The following FGF7 variants were observed in gnomAD, a reference collection of about 807,000 sequenced individuals.
FGF7 encodes fibroblast growth factor 7, also known as FGF-7.
Under a neutral mutation model 20.5 loss-of-function variants are expected in FGF7, and 6 were observed. The observed-to-expected ratio is 0.29, with a 90% CI of 0.16 to 0.58. The LOEUF (loss-of-function observed/expected upper bound fraction) is 0.58, where lower values mean the gene tolerates loss of function less well. FGF7 is among the 20% of genes least tolerant of loss of function. The pLI is 0.90. For missense variants in FGF7, 144 were observed against 228.8 expected, an observed-to-expected ratio of 0.63 and a Z score of 2.39; for synonymous variants, 64 against 74.7, an observed-to-expected ratio of 0.86 and a Z score of 0.74.
At position 49,424,268 on chromosome 15, in the gene FGF7, A is replaced by T. The variant is rs1217710531; in HGVS notation, c.-30A>T. 6.3e-7 allele frequency: 1 copy of T among 1,587,700 alleles called. No homozygotes were observed. The highest frequency in any genetic ancestry group is 8.6e-7 in the Non-Finnish European group (1 of 1,160,868). On this transcript the variant is annotated 5_prime_UTR_variant, in exon 2 of 4. Transcript: ENST00000267843. ...ACTCAAGATTCATTTTCATTATGTT[A>T]TTCATGAACACCCGGAGCACTACAC...
At chr15:49,464,486 T>C (rs1457419741) in intron 2 of FGF7, among the ~76,000 whole-genome samples, 1 of 152,160 alleles carries the variant, frequency 6.6e-6, no homozygotes, top group Non-Finnish European at 1.5e-5. Context: ...TCTAAATTCA[T>C]GAACTAAGCT....
At chr15:49,437,092 C>T (rs749137790) in intron 2 of FGF7, among the ~76,000 whole-genome samples, 7 of 151,496 alleles carry the variant, frequency 4.6e-5, no homozygotes, top group Non-Finnish European at 1.0e-4. Flanking sequence ...TTTATTAAAA[C>T]TATTTATACT....
chr15:49,444,228 C>T lies in FGF7; in HGVS notation c.286+19645C>T, dbSNP rs112228907. Among the ~76,000 whole-genome samples the T allele has an allele frequency of 4.8e-3, 727 of 151,714 alleles. 5 individuals are homozygous for T. The highest frequency in any genetic ancestry group is 0.017 in the African/African-American group (696 of 41,456). The stretch of plus-strand genomic sequence containing the variant: ...TCTCCCTCATAAGGATTTATGATTG[C>T]TCTCAAGACAATGAAAAAACGGAGA... On this transcript the variant is annotated intron_variant, in intron 2 of 3. Coordinates refer to ENST00000267843, the MANE Select transcript of FGF7 (RefSeq NM_002009.4).
intron 2 of FGF7, among the ~76,000 whole-genome samples, chr15:49,480,223 A>G (rs1257550271): frequency 1.3e-5 from 2 of 152,214 alleles, no homozygotes; most frequent in African/African-American, 2.4e-5. Context: ...AGTTAAACGT[A>G]GAATCTTTAC....
At chr15:49,427,767 C>T (rs1421416919) in intron 2 of FGF7, among the ~76,000 whole-genome samples, 1 of 151,808 alleles carries the variant, frequency 6.6e-6, no homozygotes, top group Non-Finnish European at 1.5e-5. Flanking sequence ...TTGGAGCTAG[C>T]AGGAGAAGTA....
intron 2 of FGF7, among the ~76,000 whole-genome samples, chr15:49,445,634 C>T (rs944232692): frequency 2.6e-5 from 4 of 151,296 alleles, no homozygotes; most frequent in Non-Finnish European, 4.4e-5. Flanking sequence ...TCACTGTGTA[C>T]ACCATAAATA....
At chr15:49,480,629 C>T (rs1399239518) in intron 2 of FGF7, among the ~76,000 whole-genome samples, 3 of 151,824 alleles carry the variant, frequency 2.0e-5, no homozygotes, top group Admixed American at 6.6e-5. Context: ...TTACAGGCAC[C>T]CGCCACCACA....
chr15:49,431,194 C>T (rs1289392930), intron 2 of FGF7, among the ~76,000 whole-genome samples: 1 of 151,758 alleles, frequency 6.6e-6, no homozygotes, highest in African/African-American at 2.4e-5. Context: ...TACTAAACAA[C>T]ATCTAACATT....
chr15:49,453,370 T>C (rs560462943), intron 2 of FGF7, among the ~76,000 whole-genome samples: 1 of 152,248 alleles, frequency 6.6e-6, no homozygotes, highest in South Asian at 2.1e-4. Context: ...TCCCAAAGTG[T>C]TGAGATTACA....
chr15:49,453,514 T>C (rs147320708), intron 2 of FGF7, among the ~76,000 whole-genome samples: 2 of 152,172 alleles, frequency 1.3e-5, no homozygotes, highest in Non-Finnish European at 2.9e-5. Context: ...ACTATTCACA[T>C]TGCAAGGGTT....
intron 2 of FGF7, among the ~76,000 whole-genome samples, chr15:49,429,180 T>A (rs544372224): frequency 6.6e-6 from 1 of 152,010 alleles, no homozygotes; most frequent in South Asian, 2.1e-4. Flanking sequence ...AAAAAATAGA[T>A]AATAAGTAAC....
intron 2 of FGF7, among the ~76,000 whole-genome samples, chr15:49,447,822 T>C (rs1249921239): frequency 6.6e-6 from 1 of 151,696 alleles, no homozygotes; most frequent in Non-Finnish European, 1.5e-5. Flanking sequence ...CATGAAAACA[T>C]AAAATCCAAG....
intron 2 of FGF7, among the ~76,000 whole-genome samples, chr15:49,472,683 T>A (rs1186863536): frequency 1.3e-5 from 2 of 152,172 alleles, no homozygotes; most frequent in Non-Finnish European, 2.9e-5. Flanking sequence ...TATACTGTCA[T>A]AAGCTTGAAG....
chr15:49,478,061 C>G (rs1214072650), intron 2 of FGF7, among the ~76,000 whole-genome samples: 2 of 152,104 alleles, frequency 1.3e-5, no homozygotes, highest in Non-Finnish European at 2.9e-5. Flanking sequence ...GTTTTTCAAC[C>G]CTTCCCTCAT....
intron 2 of FGF7, among the ~76,000 whole-genome samples, chr15:49,435,113 G>A (rs1306804673): frequency 2.0e-5 from 3 of 151,428 alleles, no homozygotes; most frequent in Non-Finnish European, 4.4e-5. Context: ...TGAGAGGGGG[G>A]TACATGGGGA....
chr15:49,455,683 TTAAA>T (rs1189593036), intron 2 of FGF7, among the ~76,000 whole-genome samples: 2 of 152,334 alleles, frequency 1.3e-5, no homozygotes, highest in East Asian at 1.9e-4. Flanking sequence ...ATGGCAGCAC[TTAAA>T]TAAGTGATTT....
At chr15:49,434,910 T>G (rs1349771060) in intron 2 of FGF7, among the ~76,000 whole-genome samples, 4 of 151,562 alleles carry the variant, frequency 2.6e-5, no homozygotes, top group Non-Finnish European at 5.9e-5. Flanking sequence ...GTTTTTCCTT[T>G]AAAGGGAAAT....
chr15:49,472,806 G>A lies in FGF7; in HGVS notation c.287-10345G>A, dbSNP rs371589776. ...AAATGGGTAGAAAAAAAGCACAGAT[G>A]TAATGATAAATAGTAGATGGAAAAG... On this transcript the variant is annotated intron_variant, in intron 2 of 3. Coordinates refer to ENST00000267843, the MANE Select transcript of FGF7 (RefSeq NM_002009.4). 6.6e-5 allele frequency among the ~76,000 whole-genome samples: 10 copies of A among 152,246 alleles called. No individual in the cohort carries two copies. In the East Asian group the frequency reaches 1.2e-3, roughly 18 times the overall value.
intron 2 of FGF7, among the ~76,000 whole-genome samples, chr15:49,470,662 G>A (rs947075464): frequency 2.6e-5 from 4 of 152,136 alleles, no homozygotes; most frequent in Non-Finnish European, 4.4e-5. Context: ...CCTGGAAGTT[G>A]AAAAAATGGG....
Sources: allele counts gnomAD v4.1 joint callset (sites outside exome capture counted in the v4.1 genomes callset), GRCh38; gene constraint gnomAD v4.1.1; transcripts MANE v1.5; gene names NCBI Gene and HGNC (gene_info 2026-07-23, HGNC 2026-07-21).